CACNA2D3: variants seen among roughly 807,000 people sequenced by gnomAD.
CACNA2D3 encodes the protein voltage-dependent calcium channel subunit alpha-2/delta-3.
Under a neutral mutation model 160.6 loss-of-function variants are expected in CACNA2D3, and 60 were observed. The ratio of observed to expected loss-of-function variants is 0.37; its 90% CI spans 0.30 to 0.46. The LOEUF (loss-of-function observed/expected upper bound fraction) is 0.46. Ranked by LOEUF, CACNA2D3 falls within the 20% of genes least tolerant of loss-of-function variation. CACNA2D3 has a pLI of 1.00. For missense variants in CACNA2D3, 1,205 were observed against 1,365.0 expected, an observed-to-expected ratio of 0.88 and a Z score of 1.85; for synonymous variants, 558 against 492.9, an observed-to-expected ratio of 1.13 and a Z score of -1.75.
intron 2 of CACNA2D3, among the ~76,000 whole-genome samples, chr3:54,174,634 C>T (rs568561578): frequency 7.9e-4 from 120 of 152,276 alleles, no homozygotes; most frequent in African/African-American, 2.8e-3. Context: ...GCGCCATTCT[C>T]CTGCCTCCGT....
intron 3 of CACNA2D3, among the ~76,000 whole-genome samples, chr3:54,331,757 T>G (rs1704261906): frequency 6.6e-6 from 1 of 152,244 alleles, no homozygotes. Flanking sequence ...TGAGATTTTC[T>G]TCACCTTTAA....
chr3:54,267,311 T>G (rs11130409), intron 2 of CACNA2D3, among the ~76,000 whole-genome samples: 20,830 of 152,196 alleles, frequency 0.14, 1,703 homozygotes, highest in East Asian at 0.33. Context: ...ATAAATGCTC[T>G]TTAGTGAAAG....
intron 13 of CACNA2D3, among the ~76,000 whole-genome samples, chr3:54,804,365 A>G (rs1703065503): frequency 6.6e-6 from 1 of 152,120 alleles, no homozygotes; most frequent in African/African-American, 2.4e-5. Context: ...AGGAAGATCT[A>G]CCAAGCAAAT....
intron 4 of CACNA2D3, among the ~76,000 whole-genome samples, chr3:54,411,755 C>T (rs935515796): frequency 6.6e-6 from 1 of 152,056 alleles, no homozygotes; most frequent in African/African-American, 2.4e-5. Flanking sequence ...CACTGAATAC[C>T]TGTTGTAATC....
intron 9 of CACNA2D3, chr3:54,626,313 G>A (rs1277833800): frequency 9.0e-6 from 14 of 1,550,780 alleles, no homozygotes; most frequent in Non-Finnish European, 1.2e-5. Context: ...AGCGGCTGAT[G>A]CCGCTGTACA....
In CACNA2D3 at chr3:54,464,507, A is replaced by G. The variant is rs572175899; in HGVS notation, c.382-38985A>G. ...GCGCCCCTCCCCCAGCCTCGCTGCC[A>G]CCTTGCAGTTTGATCTCAGAGTGCT... On this transcript the variant is annotated intron_variant, in intron 4 of 37. Coordinates refer to ENST00000474759, the MANE Select transcript of CACNA2D3 (RefSeq NM_018398.3). Among the ~76,000 whole-genome samples, 141 of 152,242 alleles carry G rather than the reference A, an allele frequency of 9.3e-4. 1 individual carries two copies. The highest frequency in any genetic ancestry group is 2.6e-3 in the Admixed American group (39 of 15,284).
intron 2 of CACNA2D3, among the ~76,000 whole-genome samples, chr3:54,246,758 C>G (rs1391049323): frequency 6.6e-6 from 1 of 151,550 alleles, no homozygotes; most frequent in African/African-American, 2.4e-5. Flanking sequence ...AATATCTCAG[C>G]ATCTCAGAAA....
intron 25 of CACNA2D3, among the ~76,000 whole-genome samples, chr3:54,894,035 C>T (rs61180704): frequency 0.13 from 19,880 of 151,968 alleles, 1,385 homozygotes; most frequent in Non-Finnish European, 0.14. Context: ...TAAAGTGCAG[C>T]GTTTTTATTG....
chr3:54,801,180 G>A (rs183635588), intron 13 of CACNA2D3, among the ~76,000 whole-genome samples: 1 of 152,066 alleles, frequency 6.6e-6, no homozygotes. Context: ...TAGAGATGGG[G>A]TTTCACCATG....
At chr3:54,156,803 G>A (rs1169035667) in intron 2 of CACNA2D3, among the ~76,000 whole-genome samples, 1 of 152,162 alleles carries the variant, frequency 6.6e-6, no homozygotes, top group East Asian at 1.9e-4. Flanking sequence ...TTTAGGTGAT[G>A]GTGCTCCTAG....
At position 54,465,136 on chromosome 3, in the gene CACNA2D3, C is replaced by T. The variant is rs9854724; in HGVS notation, c.382-38356C>T. Among the ~76,000 whole-genome samples the T allele has an allele frequency of 2.0e-4, 30 of 151,222 alleles. 1 individual carries two copies. Among genetic ancestry groups the T allele is most frequent in the East Asian group, 9.7e-4 (5 of 5,148 alleles). ...TGTTTTTCTGCTTCATCTAGTCTGTCGTTAACAAATTCAGTTGCATTTTTA... is the reference window on the plus strand; with the variant it reads ...TGTTTTTCTGCTTCATCTAGTCTGTTGTTAACAAATTCAGTTGCATTTTTA... On this transcript the variant is annotated intron_variant, in intron 4 of 37. Coordinates refer to ENST00000474759, the MANE Select transcript of CACNA2D3 (RefSeq NM_018398.3).
At chr3:54,532,463 G>A (rs1016081546) in intron 5 of CACNA2D3, among the ~76,000 whole-genome samples, 2 of 152,060 alleles carry the variant, frequency 1.3e-5, no homozygotes, top group Admixed American at 6.5e-5. Flanking sequence ...CCCTCACCCC[G>A]CTCCAATGTT....
At chr3:55,051,402 C>G (rs1366356212) in intron 35 of CACNA2D3, among the ~76,000 whole-genome samples, 1 of 152,210 alleles carries the variant, frequency 6.6e-6, no homozygotes, top group African/African-American at 2.4e-5. Flanking sequence ...GGGGTGCCTC[C>G]CAGTTAGGCT....
intron 25 of CACNA2D3, among the ~76,000 whole-genome samples, chr3:54,893,535 C>T (rs1036622721): frequency 6.6e-6 from 1 of 152,120 alleles, no homozygotes; most frequent in Non-Finnish European, 1.5e-5. Context: ...TATTTGGATA[C>T]ACTCTCTAAG....
intron 3 of CACNA2D3, among the ~76,000 whole-genome samples, chr3:54,348,883 A>C (rs1698502714): frequency 6.6e-6 from 1 of 152,114 alleles, no homozygotes; most frequent in Admixed American, 6.5e-5. Context: ...ATGCACCATC[A>C]TGCCTGGCTA....
chr3:54,765,859 G>C (rs1429958668), intron 13 of CACNA2D3, among the ~76,000 whole-genome samples: 1 of 152,184 alleles, frequency 6.6e-6, no homozygotes, highest in Non-Finnish European at 1.5e-5. Context: ...TGTCAGATCA[G>C]TGGGGCTAAG....
At chr3:54,478,683 T>TATATATATATATATATA (rs1553692205) in intron 4 of CACNA2D3, among the ~76,000 whole-genome samples, 1 of 139,860 alleles carries the variant, frequency 7.2e-6, no homozygotes, top group Non-Finnish European at 1.5e-5. Flanking sequence ...TATATATTGC[T>TATATATATATATATATA]TGTCATTCTG....
In CACNA2D3 at chr3:54,525,871, A is replaced by AT. The variant is rs1575503662; in HGVS notation, c.544+22222dup. On this transcript the variant is annotated intron_variant, in intron 5 of 37. Transcript: ENST00000474759. Reference sequence around the variant, plus strand: ...GAGCTTCCTGGATGTGCAGGTTATTATTTTTCAATAATTTTAGAAAGTTTA... The same window carrying AT: ...GAGCTTCCTGGATGTGCAGGTTATTATTTTTTCAATAATTTTAGAAAGTTTA... Among the ~76,000 whole-genome samples the AT allele has an allele frequency of 2.0e-5, 3 of 150,482 alleles. No individual in the cohort carries two copies. The East Asian group carries it at 5.9e-4, about 30-fold the overall frequency.
intron 3 of CACNA2D3, among the ~76,000 whole-genome samples, chr3:54,356,962 A>G (rs1012472319): frequency 2.6e-5 from 4 of 152,150 alleles, no homozygotes; most frequent in Admixed American, 6.5e-5. Flanking sequence ...CATGAAGCTT[A>G]CTTAGGGCCT....
Sources: allele counts gnomAD v4.1 joint callset (sites outside exome capture counted in the v4.1 genomes callset), GRCh38; gene constraint gnomAD v4.1.1; transcripts MANE v1.5; gene names NCBI Gene and HGNC (gene_info 2026-07-23, HGNC 2026-07-21).